The following SRRM2 variants were observed in gnomAD, a reference collection of about 807,000 sequenced individuals.
The protein encoded by SRRM2 is serine/arginine repetitive matrix protein 2.
A neutral mutation model predicts 213.8 loss-of-function variants in SRRM2; 30 were observed. That is an observed-to-expected ratio of 0.14 (90% confidence interval 0.10 to 0.19). The LOEUF is 0.19. Among genes scored for constraint, SRRM2 ranks in the 10% least tolerant of loss-of-function variants. SRRM2 has a pLI of 1.00. For missense variants in SRRM2, 4,904 were observed against 3,647.0 expected (o/e 1.34, Z -8.88); for synonymous variants, 2,025 against 1,377.7 (o/e 1.47, Z -10.40).
intron 3 of SRRM2, 67 bp downstream of exon 3, chr16:2,757,646 T>A (rs1461026558): frequency 1.3e-6 from 2 of 1,582,264 alleles, no homozygotes; most frequent in African/African-American, 2.7e-5. Context: ...GCTGCTGTCC[T>A]TTTCCTTACG....
chr16:2,755,310 G>C (rs1171945894), intron 1 of SRRM2, among the ~76,000 whole-genome samples: 1 of 152,148 alleles, frequency 6.6e-6, no homozygotes, highest in East Asian at 1.9e-4. Flanking sequence ...AGAAGGAAGA[G>C]GCAGGGCTGA....
In SRRM2 at chr16:2,758,979, C is replaced by G. The variant is rs2068243620; in HGVS notation, c.594-6C>G. 1 of 1,613,994 alleles carries G rather than the reference C, an allele frequency of 6.2e-7. No individual in the cohort carries two copies. Among genetic ancestry groups the G allele is most frequent in the Non-Finnish European group, 8.5e-7 (1 of 1,180,030 alleles). ...AGGATGAGCTTGCTTTTGAATCCAT[C>G]TTTAGCAGGTCAGAGAGCAGCTCTC... On this transcript the variant is annotated splice_polypyrimidine_tract_variant and splice_region_variant and intron_variant, in intron 5 of 14. Transcript: ENST00000301740.
intron 10 of SRRM2, 135 bp downstream of exon 10, chr16:2,760,634 TTC>T: frequency 1.0e-6 from 1 of 952,890 alleles, no homozygotes; most frequent in Non-Finnish European, 1.6e-6. Context: ...TCTCTCCTAG[TTC>T]TCTTACTGCA....
intron 2 of SRRM2, among the ~76,000 whole-genome samples, chr16:2,757,151 A>T (rs1289563000): frequency 2.0e-5 from 3 of 152,160 alleles, no homozygotes; most frequent in African/African-American, 7.2e-5. Flanking sequence ...TTTATACAGT[A>T]TCCCTTACTT....
In SRRM2 at chr16:2,769,268, C is replaced by G; in HGVS notation, c.8005C>G (p.Pro2669Ala). 1 of 1,561,962 alleles carries G rather than the reference C, an allele frequency of 6.4e-7. No homozygotes were observed. Among genetic ancestry groups the G allele is most frequent in the Non-Finnish European group, 8.7e-7 (1 of 1,153,234 alleles). Residue 2669 changes from proline to alanine, a missense_variant, in exon 12 of 15, where the codon CCC becomes GCC. Pro to Ala is a conservative substitution (Grantham distance 27, BLOSUM62 -1). Transcript: ENST00000301740. ...LPKPASPKKP[P>A]PGERRSRSPR... ...CAAACCTGCAAGCCCCAAGAAGCCA[C>G]CCCCTGGCGAGCGGAGGTGAGTGCT... is the stretch of plus-strand genomic sequence containing the variant.
chr16:2,761,642 G>C lies in SRRM2; in HGVS notation c.1114G>C (p.Glu372Gln). The change falls in exon 11 of 15, where the codon GAG becomes CAG. Residue 372 changes from glutamate to glutamine, a missense_variant. Transcript: ENST00000301740. ...EPPAPTPLLAERHGGSPQPLA... is the reference protein window; with the variant it reads ...EPPAPTPLLAQRHGGSPQPLA... ...ACCTGCTCCCACTCCGCTCCTTGCT[G>C]AGCGACATGGCGGCTCCCCACAACC... 1 of 1,583,582 alleles carries C rather than the reference G, an allele frequency of 6.3e-7. No individual in the cohort carries two copies. Among genetic ancestry groups the C allele is most frequent in the Non-Finnish European group, 8.6e-7 (1 of 1,166,914 alleles).
At position 2,769,191 on chromosome 16, in the gene SRRM2, C is replaced by A. The variant is rs1172938627; in HGVS notation, c.7928C>A (p.Ser2643Tyr). Residue 2643 changes from serine (S) to tyrosine (Y), a missense_variant, in exon 12 of 15, where the codon TCC becomes TAC. By Grantham distance (144) the Ser-to-Tyr change is moderately radical (BLOSUM62 -2). Coordinates refer to ENST00000301740, the MANE Select transcript of SRRM2 (RefSeq NM_016333.4). Reference protein sequence around the residue: ...SSSSSSSSSSSSSSSSPSPAK... With the variant: ...SSSSSSSSSSYSSSSSPSPAK... ...TCTTCTTCCTCCTCATCTTCCTCCT[C>A]CTCGTCGTCTTCCTCCCCTTCCCCT... is the stretch of plus-strand genomic sequence containing the variant. 7 of 1,610,030 alleles carry A rather than the reference C, an allele frequency of 4.3e-6. No homozygotes were observed. Among genetic ancestry groups the A allele is most frequent in the Non-Finnish European group, 5.9e-6 (7 of 1,178,178 alleles).
chr16:2,769,270 C>T lies in SRRM2; in HGVS notation c.8007C>T (p.Pro2669=). Residue 2669 remains proline (P), a synonymous_variant, in exon 12 of 15, where the codon CCC becomes CCT. Transcript: ENST00000301740. ...AACCTGCAAGCCCCAAGAAGCCACC[C>T]CCTGGCGAGCGGAGGTGAGTGCTGT... is the stretch of plus-strand genomic sequence containing the variant. ...LPKPASPKKP[P]PGERRSRSPR... The T allele has an allele frequency of 1.3e-6, 2 of 1,561,402 alleles. No individual in the cohort carries two copies. Among genetic ancestry groups the T allele is most frequent in the Non-Finnish European group, 1.7e-6 (2 of 1,152,870 alleles).
At position 2,764,785 on chromosome 16, in the gene SRRM2, T is replaced by G. The variant is rs780940455; in HGVS notation, c.4257T>G (p.Ser1419Arg). The part of the protein sequence containing the change: ...AVPRTPSRER[S>R]SSASSPEMKD... ...CCAGAACACCCTCGAGAGAAAGAAG[T>G]AGTTCTGCATCTTCTCCTGAAATGA... The change falls in exon 11 of 15, where the codon AGT becomes AGG. Residue 1419 changes from serine to arginine, a missense_variant. Physicochemically the swap from Ser to Arg is moderately radical, Grantham distance 110. Transcript: ENST00000301740. 1 of 1,614,160 alleles carries G rather than the reference T, an allele frequency of 6.2e-7. No individual in the cohort carries two copies. Among genetic ancestry groups the G allele is most frequent in the Non-Finnish European group, 8.5e-7 (1 of 1,180,026 alleles).
At position 2,763,176 on chromosome 16, in the gene SRRM2, C is replaced by T. The variant is rs17136053; in HGVS notation, c.2648C>T (p.Ser883Phe). 3.1e-6 allele frequency: 5 copies of T among 1,613,950 alleles called. No individual in the cohort carries two copies. Among genetic ancestry groups the T allele is most frequent in the East Asian group, 2.2e-5 (1 of 44,894 alleles). ...TCATCACCTGACCCTGAGTTGAAAT[C>T]TAGGACCCCTTCTAGACATAGCTGC... ...FESSPDPELK[S>F]RTPSRHSCSG... is the part of the protein sequence containing the mutation. Residue 883 changes from serine to phenylalanine, a missense_variant, in exon 11 of 15, where the codon TCT (serine) becomes TTT (phenylalanine). By Grantham distance (155) the Ser-to-Phe change is radical. Transcript: ENST00000301740.
intron 10 of SRRM2, among the ~76,000 whole-genome samples, chr16:2,761,339 A>T (rs1023434188): frequency 6.6e-6 from 1 of 152,112 alleles, no homozygotes; most frequent in African/African-American, 2.4e-5. Context: ...AGTTATTTGC[A>T]TTTTGTGTTT....
rs2068372642 is a variant in SRRM2, at chr16:2,762,127, C to T, written c.1599C>T (p.Arg533=). 1 of 1,614,214 alleles carries T rather than the reference C, an allele frequency of 6.2e-7. No homozygotes were observed. The highest frequency in any genetic ancestry group is 8.5e-7 in the Non-Finnish European group (1 of 1,180,036). The change falls in exon 11 of 15, where the codon CGC becomes CGT. Residue 533 remains arginine, a synonymous_variant. Coordinates refer to ENST00000301740, the MANE Select transcript of SRRM2 (RefSeq NM_016333.4). ...CTAGAAGCCCCCAGCGACGTGGCCG[C>T]TCTAGGTCTCCTCAGCGACCAGGCT... ...GRSRSPQRRG[R]SRSPQRPGWS...
At chr16:2,756,866 G>A (rs897834860) in intron 2 of SRRM2, among the ~76,000 whole-genome samples, 3 of 151,956 alleles carry the variant, frequency 2.0e-5, no homozygotes, top group African/African-American at 7.3e-5. Context: ...GGGCCATTGA[G>A]GAACAAAAAT....
In SRRM2 at chr16:2,762,499, C is replaced by T. The variant is rs1262731371; in HGVS notation, c.1971C>T (p.Arg657=). The T allele has an allele frequency of 1.9e-6, 3 of 1,613,284 alleles. No homozygotes were observed. In the South Asian group the frequency reaches 3.3e-5, roughly 18 times the overall value. The change falls in exon 11 of 15, where the codon CGC becomes CGT. Residue 657 remains arginine, a synonymous_variant. Transcript: ENST00000301740. Reference sequence around the variant, plus strand: ...CTAGAACCCCAGCTAGACGTGGCCGCTCACGCTCCAGAACCCCAGCCAGAC... The same window carrying T: ...CTAGAACCCCAGCTAGACGTGGCCGTTCACGCTCCAGAACCCCAGCCAGAC... ...SRSRTPARRG[R]SRSRTPARRG... is the part of the protein sequence containing the mutation.
Position 2,764,437 on chromosome 16 carries a change from A to C in SRRM2, c.3909A>C (p.Ser1303=), listed in dbSNP as rs1463185344. Residue 1303 remains serine (S), a synonymous_variant, in exon 11 of 15, where the codon TCA becomes TCC. Transcript: ENST00000301740. ...LEAVEVPSMA[S]SWGGPHFSPE... is the part of the protein sequence containing the mutation. ...CAGTAGAAGTCCCTTCAATGGCCTC[A>C]TCTTGGGGTGGGCCACATTTTTCTC... 1 of 1,612,970 alleles carries C rather than the reference A, an allele frequency of 6.2e-7. No homozygotes were observed. The highest frequency in any genetic ancestry group is 2.2e-5 in the East Asian group (1 of 44,890).
In SRRM2 at chr16:2,766,130, G is replaced by A; in HGVS notation, c.5602G>A (p.Ala1868Thr). The change falls in exon 11 of 15, where the codon GCC (alanine) becomes ACC (threonine). Residue 1868 changes from alanine to threonine, a missense_variant. Ala to Thr is a moderately conservative substitution (Grantham distance 58). Transcript: ENST00000301740. This position sits in a 1 kb window ranked among gnomAD's most constrained non-coding sequence, Gnocchi z 7.0. ...CCCGTGGAAACGCTCTAGATCTCGA[G>A]CCTCTCCAGCCACTCACCGGCGATC... ...PAPWKRSRSR[A>T]SPATHRRSRS... is the part of the protein sequence containing the mutation. 6.2e-7 allele frequency: 1 copy of A among 1,613,934 alleles called. No individual in the cohort carries two copies. The highest frequency in any genetic ancestry group is 8.5e-7 in the Non-Finnish European group (1 of 1,179,954).
chr16:2,760,701 A>T, intron 10 of SRRM2: 1 of 590,576 alleles, frequency 1.7e-6, no homozygotes, highest in Non-Finnish European at 3.0e-6. Context: ...TTTAGAATCA[A>T]ATCTCACTGG....
rs534870872 is a variant in SRRM2 at position 2,770,899 on chromosome 16, G to A, written c.*32G>A. ...TTTGGGGGATTCCACCACACCCAAT[G>A]CTCTGGAGCCACAAGGAGTGTCCCT... On this transcript the variant is annotated 3_prime_UTR_variant, in exon 15 of 15. Transcript: ENST00000301740. 1 of 1,613,374 alleles carries A rather than the reference G, an allele frequency of 6.2e-7. No homozygotes were observed. The highest frequency in any genetic ancestry group is 2.2e-5 in the East Asian group (1 of 44,882).
In SRRM2 at chr16:2,766,105, C is replaced by T. The variant is rs760323916; in HGVS notation, c.5577C>T (p.Ala1859=). 1.1e-5 allele frequency: 17 copies of T among 1,614,046 alleles called. No homozygotes were observed. The Admixed American group carries it at 2.7e-4, about 25-fold the overall frequency. Residue 1859 remains alanine (A), a synonymous_variant, in exon 11 of 15, where the codon GCC becomes GCT. Coordinates refer to ENST00000301740, the MANE Select transcript of SRRM2 (RefSeq NM_016333.4). This position sits in a 1 kb window ranked among gnomAD's most constrained non-coding sequence, Gnocchi z 7.0. ...RKRSRSRTSP[A]PWKRSRSRAS... is the part of the protein sequence containing the mutation. ...GTTCTCGCTCACGCACATCACCAGC[C>T]CCGTGGAAACGCTCTAGATCTCGAG...
Sources: gnomAD v4.1 joint callset for allele counts (sites outside exome capture counted in the v4.1 genomes callset) on GRCh38, gnomAD v4.1.1 for gene constraint, Gnocchi (gnomAD v3.1) non-coding constraint, MANE v1.5 for transcripts, NCBI Gene and HGNC (gene_info 2026-07-23, HGNC 2026-07-21) for gene names.